The following FMNL2 variants were observed in gnomAD, a reference collection of about 807,000 sequenced individuals.
FMNL2 encodes formin-like protein 2.
A neutral mutation model predicts 130.2 loss-of-function variants in FMNL2; 51 were observed. The ratio of observed to expected loss-of-function variants is 0.39; its 90% confidence interval spans 0.31 to 0.49. The LOEUF (loss-of-function observed/expected upper bound fraction) is 0.49. Ranked by LOEUF, FMNL2 falls within the 20% of genes least tolerant of loss-of-function variation. The pLI is 0.85. For synonymous variants in FMNL2, 465 were observed against 467.1 expected (o/e 1.00, Z 0.06); for missense variants, 977 against 1,316.2 (o/e 0.74, Z 3.99).
chr2:152,645,472 C>T, intron 25 of FMNL2: 1 of 1,290,072 alleles, frequency 7.8e-7, no homozygotes, highest in Non-Finnish European at 1.0e-6. Flanking sequence ...TCCAAATGTT[C>T]ACTCGAGGGT....
chr2:152,607,470 T>TACACACACACAC (rs3080598), intron 10 of FMNL2, 57 bp downstream of exon 10: 39 of 617,920 alleles, frequency 6.3e-5, no homozygotes, highest in African/African-American at 5.3e-4. Context: ...TTTTTCTAAA[T>TACACACACACAC]ACACACACAC....
chr2:152,506,413 T>C (rs4664112), intron 1 of FMNL2, among the ~76,000 whole-genome samples: 63,606 of 147,780 alleles, frequency 0.43, 13,821 homozygotes, highest in East Asian at 0.7. Flanking sequence ...CTTTAAATCA[T>C]GTCTAGATTA....
chr2:152,619,636 T>C lies in FMNL2; in HGVS notation c.1755T>C (p.Pro585=). The C allele has an allele frequency of 4.1e-6, 6 of 1,449,752 alleles. No homozygotes were observed. The highest frequency in any genetic ancestry group is 1.5e-5 in the African/African-American group (1 of 66,672). The allele number at this position is 1,449,752 out of a possible 1,614,324, so 89.8% of individuals were successfully genotyped here. ...PGPAAETVPA[P]PLAPPLPSAP... ...CTGCAGCTGAGACTGTACCAGCTCCTCCCTTAGCACCTCCCCTTCCCTCTG... is the reference window on the plus strand; with the variant it reads ...CTGCAGCTGAGACTGTACCAGCTCCCCCCTTAGCACCTCCCCTTCCCTCTG... Residue 585 remains proline, a synonymous_variant, in exon 15 of 26, where the codon CCT becomes CCC. Coordinates refer to ENST00000288670, the MANE Select transcript of FMNL2 (RefSeq NM_052905.4).
chr2:152,581,232 G>A (rs1222977314), intron 9 of FMNL2, among the ~76,000 whole-genome samples, 183 bp downstream of exon 9: 1 of 152,168 alleles, frequency 6.6e-6, no homozygotes. Context: ...TCTAGGATAA[G>A]TTAAAAATAA....
At chr2:152,617,391 A>C (rs898008658) in intron 13 of FMNL2, among the ~76,000 whole-genome samples, 199 bp downstream of exon 13, 2 of 152,242 alleles carry the variant, frequency 1.3e-5, no homozygotes, top group African/African-American at 4.8e-5. Flanking sequence ...GCAATCAGAT[A>C]CTGGGGGTTC....
At chr2:152,641,208 C>T (rs781368869) in intron 25 of FMNL2, among the ~76,000 whole-genome samples, 3 of 152,130 alleles carry the variant, frequency 2.0e-5, no homozygotes, top group African/African-American at 7.2e-5. Flanking sequence ...GTGGCCACAC[C>T]TAGCCACCTG....
intron 9 of FMNL2, among the ~76,000 whole-genome samples, chr2:152,605,323 T>C (rs987428234): frequency 9.9e-5 from 15 of 151,990 alleles, no homozygotes; most frequent in Non-Finnish European, 1.9e-4. Context: ...TGTGTGCGTG[T>C]GTGTGTGTGT....
At chr2:152,419,832 A>T (rs1686817678) in intron 1 of FMNL2, among the ~76,000 whole-genome samples, 1 of 152,070 alleles carries the variant, frequency 6.6e-6, no homozygotes, top group Non-Finnish European at 1.5e-5. Context: ...ATCAGGGAAT[A>T]CACTTGCTGG....
rs1177965681 is a variant in FMNL2, at chr2:152,568,218, G to GT, written c.597-6903dup. 9.8e-3 allele frequency among the ~76,000 whole-genome samples: 342 copies of GT among 34,848 alleles called. 10 individuals carry two copies. Among genetic ancestry groups the GT allele is most frequent in the African/African-American group, 0.023 (268 of 11,896 alleles). 22.9% of individuals were successfully genotyped at this position (34,848 alleles called of 152,430 possible). A position where few individuals can be genotyped will look rare whatever the true frequency, so the allele number is the denominator to read the frequency against. On this transcript the variant is annotated intron_variant, in intron 6 of 25. Transcript: ENST00000288670. The stretch of plus-strand genomic sequence containing the variant: ...TGAGCAACGGCTTCCATTTTGGTGG[G>GT]TTTTTTTTTTTTTTTGAGACGGAGT...
rs3080597 is a variant in FMNL2 at position 152,607,494 on chromosome 2, C to CAG, written c.951+82_951+83insGA. The CAG allele has an allele frequency of 1.0e-3, 938 of 893,388 alleles. 6 individuals are homozygous for CAG. In the African/African-American group the frequency reaches 0.014, roughly 14 times the overall value. The allele number at this position is 893,388 out of a possible 1,614,324, so 55.3% of individuals were successfully genotyped here. A position where few individuals can be genotyped will look rare whatever the true frequency, so the allele number is the denominator to read the frequency against. ...ATACACACACACACACACACACACA[C>CAG]ACACACACACACATATTTATATTAC... On this transcript the variant is annotated intron_variant, in intron 10 of 25. Coordinates refer to ENST00000288670, the MANE Select transcript of FMNL2 (RefSeq NM_052905.4).
chr2:152,361,332 T>C (rs1188057756), intron 1 of FMNL2, among the ~76,000 whole-genome samples: 1 of 152,188 alleles, frequency 6.6e-6, no homozygotes, highest in African/African-American at 2.4e-5. Context: ...CAGTAAAATA[T>C]ACATGAAAAC....
intron 1 of FMNL2, among the ~76,000 whole-genome samples, chr2:152,412,533 A>G (rs1259852850): frequency 3.5e-5 from 5 of 142,430 alleles, no homozygotes; most frequent in African/African-American, 1.3e-4. Context: ...AGGGCCAGGT[A>G]CGGTGACTCA....
chr2:152,561,609 T>G (rs1695532663), intron 6 of FMNL2, among the ~76,000 whole-genome samples: 1 of 152,028 alleles, frequency 6.6e-6, no homozygotes, highest in Non-Finnish European at 1.5e-5. Flanking sequence ...ATCTCGCTCT[T>G]GTTATCCAGG....
At position 152,600,816 on chromosome 2, in the gene FMNL2, G is replaced by A. The variant is rs118150583; in HGVS notation, c.877-6523G>A. Among the ~76,000 whole-genome samples, 503 of 151,910 alleles carry A rather than the reference G, an allele frequency of 3.3e-3. 9 individuals are homozygous for A. The East Asian group carries it at 0.062, about 19-fold the overall frequency. On this transcript the variant is annotated intron_variant, in intron 9 of 25. Transcript: ENST00000288670. ...CTTGCTTGTCCTGGGAGTGGCCCACGTTATCTGTGCAGGGTATGGGATTTC... is the reference window on the plus strand; with the variant it reads ...CTTGCTTGTCCTGGGAGTGGCCCACATTATCTGTGCAGGGTATGGGATTTC...
chr2:152,647,760 G>A (rs1056503037), intron 25 of FMNL2, 36 bp from the exon 26 acceptor site: 1 of 1,597,278 alleles, frequency 6.3e-7, no homozygotes, highest in Non-Finnish European at 8.6e-7. Context: ...GCTATTAAAG[G>A]TTGCTATTCT....
intron 10 of FMNL2, among the ~76,000 whole-genome samples, chr2:152,608,916 A>G (rs1231710827): frequency 1.3e-5 from 2 of 152,080 alleles, no homozygotes; most frequent in African/African-American, 4.8e-5. Flanking sequence ...GAAACTGAAA[A>G]TATTTGAGAA....
intron 2 of FMNL2, among the ~76,000 whole-genome samples, chr2:152,541,252 G>C (rs915660030): frequency 6.6e-6 from 1 of 152,166 alleles, no homozygotes; most frequent in Non-Finnish European, 1.5e-5. Context: ...AACCTCCCAG[G>C]CTCAGGTGGT....
intron 11 of FMNL2, 118 bp downstream of exon 11, chr2:152,611,723 G>A (rs925441071): frequency 1.1e-5 from 7 of 634,312 alleles, no homozygotes; most frequent in East Asian, 8.4e-5. Context: ...GTCAACTACT[G>A]TAGTGCTAGT....
At chr2:152,593,361 A>C (rs1182847713) in intron 9 of FMNL2, among the ~76,000 whole-genome samples, 1 of 152,206 alleles carries the variant, frequency 6.6e-6, no homozygotes, top group Non-Finnish European at 1.5e-5. Flanking sequence ...TGCTATATAT[A>C]TATATTGCAT....
Sources: gnomAD v4.1 joint callset for allele counts (sites outside exome capture counted in the v4.1 genomes callset) on GRCh38, gnomAD v4.1.1 for gene constraint, MANE v1.5 for transcripts, NCBI Gene and HGNC (gene_info 2026-07-23, HGNC 2026-07-21) for gene names.